The following CNTNAP2 variants were observed in gnomAD, a reference collection of about 807,000 sequenced individuals.
CNTNAP2 encodes contactin-associated protein-like 2.
In CNTNAP2, 98 loss-of-function variants were observed where a neutral mutation model predicts 155.2. The observed-to-expected ratio is 0.63, with a 90% CI of 0.54 to 0.75. The LOEUF is 0.75. Among genes scored for constraint, CNTNAP2 ranks in the 30% least tolerant of loss-of-function variants. The pLI is 0.00. For missense variants in CNTNAP2, 1,727 were observed against 1,688.1 expected, an observed-to-expected ratio of 1.02 and a Z score of -0.40; for synonymous variants, 651 against 631.2, an observed-to-expected ratio of 1.03 and a Z score of -0.47.
At chr7:147,698,595 C>T (rs560675347) in intron 13 of CNTNAP2, among the ~76,000 whole-genome samples, 1 of 152,242 alleles carries the variant, frequency 6.6e-6, no homozygotes, top group East Asian at 1.9e-4. Flanking sequence ...CATGGTCTTG[C>T]TCTATTGTCA....
chr7:148,058,613 G>A (rs915128239), intron 15 of CNTNAP2, among the ~76,000 whole-genome samples: 16 of 152,134 alleles, frequency 1.1e-4, no homozygotes, highest in East Asian at 1.9e-4. Flanking sequence ...CTGCATATCC[G>A]AGAGTGGTCA....
chr7:147,321,580 T>C (rs1795351629), intron 9 of CNTNAP2, among the ~76,000 whole-genome samples: 1 of 152,184 alleles, frequency 6.6e-6, no homozygotes, highest in Non-Finnish European at 1.5e-5. Flanking sequence ...AGTTCTAGAC[T>C]AACTTCATCT....
At chr7:146,825,729 T>A (rs1803387915) in intron 2 of CNTNAP2, among the ~76,000 whole-genome samples, 1 of 152,166 alleles carries the variant, frequency 6.6e-6, no homozygotes, top group African/African-American at 2.4e-5. Flanking sequence ...GTCATGAGAT[T>A]TTACTTGAAC....
intron 1 of CNTNAP2, among the ~76,000 whole-genome samples, chr7:146,255,591 T>C (rs1402784035): frequency 1.3e-5 from 2 of 152,068 alleles, no homozygotes; most frequent in East Asian, 3.9e-4. Flanking sequence ...ATGCAGAGAG[T>C]TAAGAAAGAA....
intron 3 of CNTNAP2, among the ~76,000 whole-genome samples, chr7:146,888,711 T>C (rs1486377408): frequency 6.6e-6 from 1 of 152,044 alleles, no homozygotes; most frequent in Non-Finnish European, 1.5e-5. Context: ...ACATAGATGA[T>C]CTGGAGGACA....
chr7:147,453,572 A>AT (rs1328704887), intron 10 of CNTNAP2, among the ~76,000 whole-genome samples: 2 of 152,198 alleles, frequency 1.3e-5, no homozygotes, highest in Non-Finnish European at 2.9e-5. Flanking sequence ...TAGGCGTTAT[A>AT]TTCTACATTT....
At chr7:148,301,306 A>AAAAATATAT in intron 21 of CNTNAP2, among the ~76,000 whole-genome samples, 11 of 103,848 alleles carry the variant, frequency 1.1e-4, no homozygotes, top group African/African-American at 3.4e-4. Flanking sequence ...AAAAAAAAAA[A>AAAAATATAT]ATATATATAT....
At chr7:148,001,463 A>G (rs778512239) in intron 15 of CNTNAP2, among the ~76,000 whole-genome samples, 18 of 152,046 alleles carry the variant, frequency 1.2e-4, no homozygotes, top group Admixed American at 2.0e-4. Context: ...CTGTTACTCA[A>G]TTTTTTTTCT....
rs1320686075 is a variant in CNTNAP2 at position 147,761,596 on chromosome 7, T to C, written c.2098+122290T>C. On this transcript the variant is annotated intron_variant, in intron 13 of 23. Coordinates refer to ENST00000361727, the MANE Select transcript of CNTNAP2 (RefSeq NM_014141.6). ...GCTGTAGAAGGCTCAAACTAGGTGG[T>C]TGGGGGATTATTGTCACAGATGCTG... 2.0e-5 allele frequency among the ~76,000 whole-genome samples: 3 copies of C among 152,082 alleles called. No individual in the cohort carries two copies. The East Asian group carries it at 5.8e-4, about 29-fold the overall frequency.
chr7:146,277,856 A>C (rs1013939374), intron 1 of CNTNAP2, among the ~76,000 whole-genome samples: 24 of 152,200 alleles, frequency 1.6e-4, no homozygotes, highest in Non-Finnish European at 1.5e-5. Context: ...TCCCTGGCAT[A>C]TCTTGAAAGT....
intron 13 of CNTNAP2, among the ~76,000 whole-genome samples, chr7:147,734,331 T>G (rs1248527534): frequency 6.6e-6 from 1 of 152,238 alleles, no homozygotes; most frequent in Non-Finnish European, 1.5e-5. Flanking sequence ...TTGATTTGCA[T>G]ATGTTGAACC....
chr7:146,972,795 T>G (rs989724640), intron 3 of CNTNAP2, among the ~76,000 whole-genome samples: 2 of 152,148 alleles, frequency 1.3e-5, no homozygotes, highest in African/African-American at 4.8e-5. Context: ...TTGAAAATAG[T>G]CATGTTGGAT....
rs569693121 is a variant in CNTNAP2, at chr7:146,887,644, C to T, written c.402+47740C>T. Among the ~76,000 whole-genome samples the T allele has an allele frequency of 5.3e-5, 8 of 152,030 alleles. No homozygotes were observed. In the East Asian group the frequency reaches 5.8e-4, roughly 11 times the overall value. ...GAAATTTTGTTGAAATCCAGGCATA[C>T]GGTCTATATTCCCCTGTATTTTCTC... On this transcript the variant is annotated intron_variant, in intron 3 of 23. Coordinates refer to ENST00000361727, the MANE Select transcript of CNTNAP2 (RefSeq NM_014141.6).
At position 147,405,661 on chromosome 7, in the gene CNTNAP2, A is replaced by T. The variant is rs144075486; in HGVS notation, c.1670+9881A>T. Among the ~76,000 whole-genome samples the T allele has an allele frequency of 2.3e-4, 35 of 152,316 alleles. 1 individual carries two copies. Among genetic ancestry groups the T allele is most frequent in the African/African-American group, 8.2e-4 (34 of 41,588 alleles). On this transcript the variant is annotated intron_variant, in intron 10 of 23. Coordinates refer to ENST00000361727, the MANE Select transcript of CNTNAP2 (RefSeq NM_014141.6). Reference sequence around the variant, plus strand: ...ATTTTCAAATGAGCAGAGACAGAAAAAAGTTTCTGGTAAAATCAAATGTAA... The same window carrying T: ...ATTTTCAAATGAGCAGAGACAGAAATAAGTTTCTGGTAAAATCAAATGTAA...
chr7:147,118,045 A>G (rs1201531136), intron 5 of CNTNAP2, among the ~76,000 whole-genome samples: 1 of 152,192 alleles, frequency 6.6e-6, no homozygotes, highest in African/African-American at 2.4e-5. Context: ...AATAATACCA[A>G]GACATTAGGA....
At chr7:148,352,616 G>A (rs1412026552) in intron 21 of CNTNAP2, among the ~76,000 whole-genome samples, 1 of 152,206 alleles carries the variant, frequency 6.6e-6, no homozygotes, top group East Asian at 1.9e-4. Context: ...CTGGGCAGGG[G>A]CAGGCTCAGT....
chr7:146,415,206 A>G (rs1346458596), intron 1 of CNTNAP2, among the ~76,000 whole-genome samples: 1 of 151,882 alleles, frequency 6.6e-6, no homozygotes, highest in Non-Finnish European at 1.5e-5. Context: ...TCAGGGAGAA[A>G]CACACACACA....
At chr7:147,095,927 A>G (rs1463421672) in intron 4 of CNTNAP2, among the ~76,000 whole-genome samples, 2 of 152,172 alleles carry the variant, frequency 1.3e-5, no homozygotes, top group Admixed American at 6.5e-5. Context: ...CTCCCTTCAT[A>G]TGGGTCCTGA....
intron 14 of CNTNAP2, among the ~76,000 whole-genome samples, chr7:147,906,192 A>G (rs1799954571): frequency 6.6e-6 from 1 of 151,386 alleles, no homozygotes; most frequent in Admixed American, 6.6e-5. Context: ...ACAGGTTGAA[A>G]ACATAGATTT....
Sources: allele counts gnomAD v4.1 joint callset (sites outside exome capture counted in the v4.1 genomes callset), GRCh38; gene constraint gnomAD v4.1.1; transcripts MANE v1.5; gene names NCBI Gene and HGNC (gene_info 2026-07-23, HGNC 2026-07-21).